Variants in ARMH3 observed in about 807,000 individuals in gnomAD.
ARMH3 encodes the protein armadillo like helical domain containing 3.
ARMH3 carries 60 observed loss-of-function variants against 99.1 expected under a neutral mutation model. That is an observed-to-expected ratio of 0.61 (90% confidence interval 0.49 to 0.75). ARMH3 has a LOEUF of 0.75. ARMH3 is among the 30% of genes least tolerant of loss of function. ARMH3 has a pLI of 0.00. For missense variants in ARMH3, 679 were observed against 843.1 expected (o/e 0.81, Z 2.41); for synonymous variants, 285 against 292.8 (o/e 0.97, Z 0.27).
At chr10:101,850,098 T>A (rs945162481) in intron 24 of ARMH3, among the ~76,000 whole-genome samples, 1 of 142,514 alleles carries the variant, frequency 7.0e-6, no homozygotes, top group African/African-American at 2.6e-5. Context: ...CTCTTTTTTT[T>A]TTTTTTTTTT....
chr10:101,996,617 C>G (rs532039304), intron 15 of ARMH3, among the ~76,000 whole-genome samples: 3 of 152,140 alleles, frequency 2.0e-5, no homozygotes, highest in African/African-American at 4.8e-5. Context: ...CAAACTGATA[C>G]GCAACTCCCA....
chr10:101,951,854 C>A (rs1393884907), intron 22 of ARMH3, among the ~76,000 whole-genome samples: 1 of 134,712 alleles, frequency 7.4e-6, no homozygotes, highest in Admixed American at 8.7e-5. Context: ...GGCCACAGAG[C>A]GAGACTCCGT....
chr10:101,971,195 A>T (rs1483335126), intron 20 of ARMH3, among the ~76,000 whole-genome samples: 1 of 152,240 alleles, frequency 6.6e-6, no homozygotes, highest in South Asian at 2.1e-4. Context: ...AATAAGACAT[A>T]GTGAACAAAA....
intron 2 of ARMH3, among the ~76,000 whole-genome samples, chr10:102,036,859 T>A (rs1437860790): frequency 7.5e-6 from 1 of 132,946 alleles, no homozygotes. Context: ...CACCCAAGAA[T>A]GATCAATAAA....
At chr10:102,046,342 GA>G (rs763530138) in intron 1 of ARMH3, among the ~76,000 whole-genome samples, 12 of 144,388 alleles carry the variant, frequency 8.3e-5, no homozygotes, top group East Asian at 4.0e-4. Flanking sequence ...AAGAGAAAAA[GA>G]AAAAAAAAAG....
intron 20 of ARMH3, among the ~76,000 whole-genome samples, chr10:101,971,001 T>C (rs1298260725): frequency 7.0e-6 from 1 of 143,142 alleles, no homozygotes; most frequent in East Asian, 2.1e-4. Context: ...GGAGGCTGAG[T>C]TGGGAGGATC....
intron 23 of ARMH3, among the ~76,000 whole-genome samples, chr10:101,917,477 C>T (rs1221636804): frequency 6.6e-6 from 1 of 152,170 alleles, no homozygotes; most frequent in Non-Finnish European, 1.5e-5. Context: ...TATAGATGTA[C>T]CATAGTTTAT....
At chr10:101,867,701 G>A (rs1221082028) in intron 24 of ARMH3, among the ~76,000 whole-genome samples, 1 of 151,904 alleles carries the variant, frequency 6.6e-6, no homozygotes, top group Non-Finnish European at 1.5e-5. Flanking sequence ...GTGTGATGGT[G>A]CATGCCTGTG....
intron 24 of ARMH3, among the ~76,000 whole-genome samples, chr10:101,865,015 G>A (rs1215511915): frequency 3.3e-5 from 5 of 151,794 alleles, no homozygotes; most frequent in African/African-American, 4.8e-5. Flanking sequence ...AGAAGATCGA[G>A]ACCATCATGG....
At chr10:102,036,205 A>AGGTGGGGGGGGC (rs2067261448) in intron 2 of ARMH3, among the ~76,000 whole-genome samples, 1 of 123,820 alleles carries the variant, frequency 8.1e-6, no homozygotes, top group African/African-American at 3.1e-5. Context: ...TCCGGGAGGG[A>AGGTGGGGGGGGC]AGTGGGGGGT....
At chr10:101,876,266 A>AAC (rs1554852315) in intron 24 of ARMH3, among the ~76,000 whole-genome samples, 1 of 151,482 alleles carries the variant, frequency 6.6e-6, no homozygotes, top group Admixed American at 6.6e-5. Flanking sequence ...AAAAAAAAAA[A>AAC]AACAACTTAT....
At chr10:101,894,029 T>C (rs1355863233) in intron 23 of ARMH3, among the ~76,000 whole-genome samples, 1 of 152,224 alleles carries the variant, frequency 6.6e-6, no homozygotes, top group Non-Finnish European at 1.5e-5. Flanking sequence ...AGCAGGTGAT[T>C]AAGGTCTCCC....
At position 101,964,203 on chromosome 10, in the gene ARMH3, T is replaced by C. The variant is rs543593732; in HGVS notation, c.1496-6471A>G. On this transcript the variant is annotated intron_variant, in intron 20 of 25. Coordinates refer to ENST00000370033, the MANE Select transcript of ARMH3 (RefSeq NM_024541.3). ...TTTTGCATTTTTAATAAAGACAGGGTTTCGCCACGTTGGCCAGGCTGGTCT... is the reference window on the plus strand; with the variant it reads ...TTTTGCATTTTTAATAAAGACAGGGCTTCGCCACGTTGGCCAGGCTGGTCT... Among the ~76,000 whole-genome samples the C allele has an allele frequency of 2.0e-5, 3 of 152,108 alleles. No individual in the cohort carries two copies. The East Asian group carries it at 5.8e-4, about 29-fold the overall frequency.
intron 22 of ARMH3, among the ~76,000 whole-genome samples, chr10:101,941,726 G>A (rs1267290787): frequency 6.6e-6 from 1 of 152,200 alleles, no homozygotes; most frequent in Non-Finnish European, 1.5e-5. Context: ...GAGCTCTACA[G>A]TCTAAACTCA....
intron 24 of ARMH3, among the ~76,000 whole-genome samples, chr10:101,858,939 T>A (rs1010965221): frequency 1.3e-5 from 2 of 152,154 alleles, no homozygotes; most frequent in Admixed American, 6.6e-5. Context: ...AAGAAAGTAA[T>A]CTCTCATCAA....
intron 2 of ARMH3, among the ~76,000 whole-genome samples, chr10:102,038,089 CTTTTTTTTTTTT>C (rs949920845): frequency 2.6e-5 from 3 of 113,316 alleles, no homozygotes; most frequent in African/African-American, 7.0e-5. Flanking sequence ...AGAAAGAATC[CTTTTTTTTTTTT>C]TTTTTTTTTT....
At chr10:101,874,313 A>C (rs1564708990) in intron 24 of ARMH3, among the ~76,000 whole-genome samples, 1 of 152,174 alleles carries the variant, frequency 6.6e-6, no homozygotes, top group Non-Finnish European at 1.5e-5. Flanking sequence ...CTAGTCAAAA[A>C]AAAAATGTAT....
intron 23 of ARMH3, among the ~76,000 whole-genome samples, chr10:101,898,658 A>G (rs1162623136): frequency 2.0e-5 from 3 of 152,262 alleles, no homozygotes; most frequent in African/African-American, 4.8e-5. Flanking sequence ...AGGAGGAAAC[A>G]TAACTGTTAT....
intron 24 of ARMH3, among the ~76,000 whole-genome samples, chr10:101,851,025 T>C (rs978170666): frequency 6.6e-6 from 1 of 152,350 alleles, no homozygotes; most frequent in South Asian, 2.1e-4. Flanking sequence ...CTTGTTTTCA[T>C]TGCTCAGTGC....
Sources: allele counts gnomAD v4.1 joint callset (sites outside exome capture counted in the v4.1 genomes callset), GRCh38; gene constraint gnomAD v4.1.1; transcripts MANE v1.5; gene names NCBI Gene and HGNC (gene_info 2026-07-23, HGNC 2026-07-21).